MYT1L: variants seen among roughly 807,000 people sequenced by gnomAD.
MYT1L encodes myelin transcription factor 1-like protein.
Under a neutral mutation model 126.7 loss-of-function variants are expected in MYT1L, and 12 were observed. The observed-to-expected ratio is 0.09, with a 90% CI of 0.06 to 0.15. MYT1L has a LOEUF of 0.15. MYT1L is among the 10% of genes least tolerant of loss of function. The pLI, the probability that MYT1L is intolerant of heterozygous loss-of-function variation, is 1.00. For missense variants in MYT1L, 979 were observed against 1,585.2 expected, an observed-to-expected ratio of 0.62 and a Z score of 6.49; for synonymous variants, 541 against 604.2, an observed-to-expected ratio of 0.90 and a Z score of 1.53.
chr2:2,277,447 G>T (rs189550847), intron 2 of MYT1L, among the ~76,000 whole-genome samples: 1 of 152,346 alleles, frequency 6.6e-6, no homozygotes, highest in South Asian at 2.1e-4. Flanking sequence ...TGTCCCATAC[G>T]GGAGGAAAGG....
intron 18 of MYT1L, among the ~76,000 whole-genome samples, chr2:1,860,998 C>A (rs2044514597): frequency 6.6e-6 from 1 of 152,062 alleles, no homozygotes; most frequent in Non-Finnish European, 1.5e-5. Flanking sequence ...CACACACACA[C>A]ACTTGTGCAC....
intron 14 of MYT1L, 98 bp from the exon 15 acceptor site, chr2:1,892,385 C>T (rs2049004629): frequency 6.8e-7 from 1 of 1,462,928 alleles, no homozygotes; most frequent in Admixed American, 2.4e-5. Context: ...CAGCCACACA[C>T]AGCCGCGTGG....
At chr2:1,915,541 C>T (rs4550694) in intron 11 of MYT1L, among the ~76,000 whole-genome samples, 11,556 of 152,256 alleles carry the variant, frequency 0.076, 1,214 homozygotes, top group African/African-American at 0.24. Flanking sequence ...AAATGTAGGT[C>T]TTATAAAACA....
At chr2:1,843,483 C>A (rs1374020307) in intron 19 of MYT1L, among the ~76,000 whole-genome samples, 1 of 151,430 alleles carries the variant, frequency 6.6e-6, no homozygotes, top group Non-Finnish European at 1.5e-5. Context: ...TTACGGTGTC[C>A]TTCCTAGGGA....
intron 18 of MYT1L, among the ~76,000 whole-genome samples, chr2:1,856,336 G>T (rs570285294): frequency 6.6e-6 from 1 of 152,164 alleles, no homozygotes; most frequent in Non-Finnish European, 1.5e-5. Context: ...GTAAGAAGCG[G>T]CATTGACCAC....
chr2:1,834,588 C>A (rs955350817), intron 21 of MYT1L, among the ~76,000 whole-genome samples: 7 of 152,302 alleles, frequency 4.6e-5, no homozygotes, highest in Admixed American at 1.3e-4. Context: ...AAAAAGCAAA[C>A]CCCATGGGAT....
chr2:2,059,552 A>C lies in MYT1L; in HGVS notation c.-303-5429T>G, dbSNP rs963462859. Among the ~76,000 whole-genome samples, 3 of 152,306 alleles carry C rather than the reference A, an allele frequency of 2.0e-5. No individual in the cohort carries two copies. The South Asian group carries it at 6.2e-4, about 32-fold the overall frequency. ...GACATGCATGCAGTGAGTTCTCCAC[A>C]CAGTCCCTGCCAAAGGCCTTGCACC... is the stretch of plus-strand genomic sequence containing the variant. On this transcript the variant is annotated intron_variant, in intron 3 of 24. Transcript: ENST00000647738. The surrounding 1 kb of genome is among the most constrained non-coding windows in gnomAD (Gnocchi z 4.7).
At chr2:1,903,554 C>T (rs768131570) in intron 13 of MYT1L, among the ~76,000 whole-genome samples, 9 of 151,858 alleles carry the variant, frequency 5.9e-5, no homozygotes, top group Non-Finnish European at 2.9e-5. Flanking sequence ...TCCTTTTTTC[C>T]CTCTTTCCTG....
In MYT1L at chr2:1,903,228, A is replaced by G; in HGVS notation, c.1884T>C (p.Thr628=). The change falls in exon 14 of 25, where the codon ACT becomes ACC. Residue 628 remains threonine (T), a synonymous_variant. Coordinates refer to ENST00000647738, the MANE Select transcript of MYT1L (RefSeq NM_001303052.2). Reference sequence around the variant, plus strand: ...CCTTGGCCAGGTTGGAACGCGGCGTAGTTGTGGGGACATTGTTTCTGTAGC... The same window carrying G: ...CCTTGGCCAGGTTGGAACGCGGCGTGGTTGTGGGGACATTGTTTCTGTAGC... ...QYGYRNNVPT[T]TPRSNLAKEL... is the part of the protein sequence containing the mutation. The G allele has an allele frequency of 6.2e-7, 1 of 1,613,936 alleles. No individual in the cohort carries two copies. Among genetic ancestry groups the G allele is most frequent in the Non-Finnish European group, 8.5e-7 (1 of 1,179,852 alleles).
chr2:2,270,857 C>T (rs1385976246), intron 2 of MYT1L, among the ~76,000 whole-genome samples: 3 of 151,926 alleles, frequency 2.0e-5, no homozygotes, highest in African/African-American at 7.2e-5. Flanking sequence ...TGCCGGGCAT[C>T]CTGCTCATCA....
intron 3 of MYT1L, among the ~76,000 whole-genome samples, chr2:2,092,982 T>C (rs1476802489): frequency 6.6e-6 from 1 of 152,172 alleles, no homozygotes. Flanking sequence ...TGTGTAACTT[T>C]GAATGCACCA....
chr2:2,108,915 G>A (rs1414279352), intron 3 of MYT1L, among the ~76,000 whole-genome samples: 2 of 152,208 alleles, frequency 1.3e-5, no homozygotes. Context: ...TGACCATCAG[G>A]TGCCTGTGTT....
At chr2:1,967,737 G>C (rs999957062) in intron 8 of MYT1L, among the ~76,000 whole-genome samples, 1 of 152,172 alleles carries the variant, frequency 6.6e-6, no homozygotes, top group Non-Finnish European at 1.5e-5. Context: ...GGAGGGTGTG[G>C]CCAAAGAGGG....
chr2:2,072,598 T>C (rs1415751452), intron 3 of MYT1L, among the ~76,000 whole-genome samples: 2 of 152,210 alleles, frequency 1.3e-5, no homozygotes, highest in Non-Finnish European at 2.9e-5. Context: ...GGAAGTCTCA[T>C]ATGGTTTGGC....
intron 21 of MYT1L, among the ~76,000 whole-genome samples, chr2:1,829,672 C>A (rs113838565): frequency 7.6e-6 from 1 of 130,874 alleles, no homozygotes; most frequent in African/African-American, 3.3e-5. Flanking sequence ...CTCCCATACA[C>A]CTGTGAATTG....
intron 3 of MYT1L, among the ~76,000 whole-genome samples, chr2:2,058,183 G>A (rs1377037827): frequency 1.3e-5 from 2 of 152,156 alleles, no homozygotes; most frequent in African/African-American, 2.4e-5. Flanking sequence ...TTGCCTAATA[G>A]TTGATGGAAT....
chr2:2,162,649 TG>T lies in MYT1L; in HGVS notation c.-304+10222del, dbSNP rs1293074032. Among the ~76,000 whole-genome samples, 4 of 152,200 alleles carry T rather than the reference TG, an allele frequency of 2.6e-5. No individual in the cohort carries two copies. The East Asian group carries it at 7.7e-4, about 29-fold the overall frequency. ...CGGTTTTCATGGCCCTGCTAATTTC[TG>T]GAAGACTCAGATTCCGCAGGGCAGG... On this transcript the variant is annotated intron_variant, in intron 3 of 24. Transcript: ENST00000647738.
intron 4 of MYT1L, among the ~76,000 whole-genome samples, chr2:2,015,950 G>C (rs2064340668): frequency 6.6e-6 from 1 of 152,210 alleles, no homozygotes; most frequent in South Asian, 2.1e-4. Flanking sequence ...TGCAATCATG[G>C]TACAGCAGAA....
intron 21 of MYT1L, chr2:1,816,286 G>C (rs573753991): frequency 6.5e-6 from 1 of 152,712 alleles, no homozygotes; most frequent in East Asian, 1.9e-4. Context: ...TCTGAGCTAC[G>C]CTGTATGGAT....
Sources: gnomAD v4.1 joint callset for allele counts (sites outside exome capture counted in the v4.1 genomes callset) on GRCh38, gnomAD v4.1.1 for gene constraint, Gnocchi (gnomAD v3.1) non-coding constraint, MANE v1.5 for transcripts, NCBI Gene and HGNC (gene_info 2026-07-23, HGNC 2026-07-21) for gene names.